Variants in CHN1 observed in about 807,000 individuals in gnomAD.
The protein encoded by CHN1 is chimerin 1.
In CHN1, 37 loss-of-function variants were observed where a neutral mutation model predicts 59.5. That is an observed-to-expected ratio of 0.62 (90% CI 0.48 to 0.82). The LOEUF (loss-of-function observed/expected upper bound fraction) is 0.82. Among genes scored for constraint, CHN1 ranks in the 40% least tolerant of loss-of-function variants. The probability of loss-of-function intolerance (pLI) is 0.00; values close to 1 mark genes in which losing one functional copy is unlikely to be tolerated. For missense variants in CHN1, 469 were observed against 571.0 expected (o/e 0.82, Z 1.82); for synonymous variants, 206 against 200.4 (o/e 1.03, Z -0.24).
chr2:174,829,824 G>A (rs1039606528), intron 7 of CHN1, among the ~76,000 whole-genome samples: 4 of 152,122 alleles, frequency 2.6e-5, no homozygotes, highest in African/African-American at 4.8e-5. Context: ...AAATCAAAAC[G>A]AAAGGAATGT....
intron 5 of CHN1, among the ~76,000 whole-genome samples, chr2:174,906,963 C>T (rs1174746815): frequency 2.6e-5 from 4 of 152,058 alleles, no homozygotes; most frequent in Non-Finnish European, 5.9e-5. Context: ...CAGAAGAAAC[C>T]TTGTAGATTT....
chr2:174,799,378 AAAGT>A lies in CHN1; in HGVS notation c.*734_*737del, dbSNP rs66480716. ...TTTTCCCGAATATTCTTATGAGAAA[AAAGT>A]AAGCTATCAATATTTTTTATTTCTA... is the stretch of plus-strand genomic sequence containing the variant. On this transcript the variant is annotated 3_prime_UTR_variant, in exon 13 of 13. Transcript: ENST00000409900. 0.12 allele frequency: 48,318 copies of A among 416,914 alleles called. 2,889 individuals carry two copies. Among genetic ancestry groups the A allele is most frequent in the African/African-American group, 0.13 (6,468 of 48,450 alleles). The allele number at this position is 416,914 out of a possible 1,614,324, so 25.8% of individuals were successfully genotyped here. A position where few individuals can be genotyped will look rare whatever the true frequency, so the allele number is the denominator to read the frequency against.
chr2:174,956,332 T>C (rs1690202935), intron 1 of CHN1, among the ~76,000 whole-genome samples: 3 of 151,698 alleles, frequency 2.0e-5, no homozygotes, highest in Non-Finnish European at 4.4e-5. Flanking sequence ...TGGCCAAAAA[T>C]AAATGTTAGA....
Position 174,996,045 on chromosome 2 carries a change from G to A in CHN1, c.19+8849C>T, listed in dbSNP as rs143002036. 4.0e-3 allele frequency among the ~76,000 whole-genome samples: 607 copies of A among 152,166 alleles called. 4 individuals carry two copies. The highest frequency in any genetic ancestry group is 0.014 in the Middle Eastern group (4 of 294). ...CTATGTTTGTATAGGAAAAAACATA[G>A]TAGATAATAGGGTTCTGTACTATCC... On this transcript the variant is annotated intron_variant, in intron 1 of 12. Transcript: ENST00000409900.
chr2:174,877,313 C>G (rs1389993766), intron 6 of CHN1, among the ~76,000 whole-genome samples: 1 of 151,948 alleles, frequency 6.6e-6, no homozygotes, highest in Admixed American at 6.6e-5. Flanking sequence ...TACTTCTTAA[C>G]AGATTATAAA....
At chr2:174,876,364 G>A (rs1372819470) in intron 6 of CHN1, among the ~76,000 whole-genome samples, 4 of 152,136 alleles carry the variant, frequency 2.6e-5, no homozygotes, top group African/African-American at 4.8e-5. Context: ...TGCTGACTTA[G>A]AATGTTCTAG....
At chr2:174,839,602 A>AG (rs2105424035) in intron 7 of CHN1, among the ~76,000 whole-genome samples, 1 of 150,732 alleles carries the variant, frequency 6.6e-6, no homozygotes, top group South Asian at 2.1e-4. Flanking sequence ...GTGCACTTAA[A>AG]GATTTTTTTT....
chr2:174,841,929 T>G (rs1243410374), intron 7 of CHN1, among the ~76,000 whole-genome samples: 2 of 152,230 alleles, frequency 1.3e-5, no homozygotes, highest in Non-Finnish European at 2.9e-5. Flanking sequence ...ATTTAAAATA[T>G]GTACACAGAT....
intron 5 of CHN1, among the ~76,000 whole-genome samples, chr2:174,909,537 C>T (rs1190434505): frequency 2.6e-5 from 4 of 152,186 alleles, no homozygotes; most frequent in Non-Finnish European, 5.9e-5. Flanking sequence ...CTTACACTCT[C>T]CTGCTGGGCA....
chr2:174,930,034 T>G (rs2105386467), intron 3 of CHN1, among the ~76,000 whole-genome samples: 1 of 152,354 alleles, frequency 6.6e-6, no homozygotes. Context: ...TGCGTATAGT[T>G]TATCTTTAAC....
intron 3 of CHN1, among the ~76,000 whole-genome samples, chr2:174,931,098 T>C (rs996864839): frequency 3.3e-5 from 5 of 149,570 alleles, no homozygotes; most frequent in Non-Finnish European, 7.4e-5. Flanking sequence ...GAGCAAAAGA[T>C]AGCACTAAAA....
chr2:174,841,966 T>C (rs1686319528), intron 7 of CHN1, among the ~76,000 whole-genome samples: 1 of 152,224 alleles, frequency 6.6e-6, no homozygotes, highest in African/African-American at 2.4e-5. Context: ...GATAACATGA[T>C]GGTATCTTGG....
At chr2:174,816,500 G>A (rs1444261654) in intron 8 of CHN1, among the ~76,000 whole-genome samples, 7 of 152,330 alleles carry the variant, frequency 4.6e-5, no homozygotes, top group Admixed American at 3.9e-4. Context: ...TTCCCACTGC[G>A]TTAGCTAGAA....
At chr2:174,832,980 A>T (rs761557357) in intron 7 of CHN1, among the ~76,000 whole-genome samples, 1 of 152,170 alleles carries the variant, frequency 6.6e-6, no homozygotes, top group African/African-American at 2.4e-5. Context: ...GACCACTGTC[A>T]TAACTGTGGT....
At chr2:174,813,310 G>T (rs1004317752) in intron 8 of CHN1, among the ~76,000 whole-genome samples, 2 of 152,190 alleles carry the variant, frequency 1.3e-5, no homozygotes, top group East Asian at 1.9e-4. Context: ...TAGCTGAAGA[G>T]ACGTATAGGA....
At position 174,846,331 on chromosome 2, in the gene CHN1, C is replaced by T. The variant is rs779928055; in HGVS notation, c.627+549G>A. The T allele has an allele frequency of 1.9e-6, 3 of 1,548,894 alleles. No individual in the cohort carries two copies. The South Asian group carries it at 3.6e-5, about 18-fold the overall frequency. Reference sequence around the variant, plus strand: ...TACGCATACATGGTGAAAGCAAATACTCAAAAAGTGAGGAGAAGCTGCTAG... The same window carrying T: ...TACGCATACATGGTGAAAGCAAATATTCAAAAAGTGAGGAGAAGCTGCTAG... On this transcript the variant is annotated intron_variant, in intron 7 of 12. Transcript: ENST00000409900.
intron 1 of CHN1, among the ~76,000 whole-genome samples, chr2:174,969,525 T>C (rs1040237133): frequency 6.6e-6 from 1 of 152,180 alleles, no homozygotes; most frequent in African/African-American, 2.4e-5. Flanking sequence ...TTTGTTCCTC[T>C]GCCATTCATC....
chr2:174,822,361 T>A (rs1233800622), intron 8 of CHN1, among the ~76,000 whole-genome samples: 1 of 152,214 alleles, frequency 6.6e-6, no homozygotes, highest in Admixed American at 6.5e-5. Flanking sequence ...CCCCATATTA[T>A]TGACATGATA....
chr2:174,889,881 A>ATGTGTG (rs111371037), intron 5 of CHN1, among the ~76,000 whole-genome samples: 1 of 149,288 alleles, frequency 6.7e-6, no homozygotes, highest in African/African-American at 2.4e-5. Flanking sequence ...ATAAATAAAT[A>ATGTGTG]TGTGTGTGTG....
Sources: allele counts gnomAD v4.1 joint callset (sites outside exome capture counted in the v4.1 genomes callset), GRCh38; gene constraint gnomAD v4.1.1; transcripts MANE v1.5; gene names NCBI Gene and HGNC (gene_info 2026-07-23, HGNC 2026-07-21).